The following FNDC3A variants were observed in gnomAD, a reference collection of about 807,000 sequenced individuals.
FNDC3A encodes the protein fibronectin type III domain containing 3A, also known as fibronectin type-III domain-containing protein 3A.
Under a neutral mutation model 148.9 loss-of-function variants are expected in FNDC3A, and 32 were observed. The observed-to-expected ratio is 0.21, with a 90% CI of 0.16 to 0.29. The LOEUF is 0.29. FNDC3A is among the 10% of genes least tolerant of loss of function. FNDC3A has a pLI of 1.00. For missense variants in FNDC3A, 1,191 were observed against 1,452.8 expected (o/e 0.82, Z 2.93); for synonymous variants, 472 against 473.6 (o/e 1.00, Z 0.04).
At chr13:48,984,984 G>A (rs564785713) in intron 1 of FNDC3A, among the ~76,000 whole-genome samples, 6 of 152,136 alleles carry the variant, frequency 3.9e-5, no homozygotes, top group East Asian at 3.9e-4. Flanking sequence ...GCCCAGCCCC[G>A]AGTGGACTAA....
intron 5 of FNDC3A, 106 bp from the exon 6 acceptor site, chr13:49,136,226 T>G (rs1437746071): frequency 1.3e-5 from 13 of 978,812 alleles, no homozygotes; most frequent in Non-Finnish European, 2.9e-6. Flanking sequence ...TTTTAAATAT[T>G]TTATAAAAGT....
chr13:49,024,951 T>G (rs1873590707), intron 2 of FNDC3A, among the ~76,000 whole-genome samples: 1 of 152,002 alleles, frequency 6.6e-6, no homozygotes, highest in Non-Finnish European at 1.5e-5. Flanking sequence ...TAAAAGTGAT[T>G]AGAAAAAAAT....
chr13:49,081,443 TTCAAACTTTGCCACTTACTATTGTATCAG>T, intron 3 of FNDC3A, among the ~76,000 whole-genome samples: 1 of 152,218 alleles, frequency 6.6e-6, no homozygotes, highest in East Asian at 1.9e-4. Flanking sequence ...TGGGTTTGAG[TTCAAACTTTGCCACTTACTATTGTATCAG>T]TCAGATTATA....
At chr13:49,157,554 T>C (rs1475559381) in intron 8 of FNDC3A, among the ~76,000 whole-genome samples, 1 of 150,740 alleles carries the variant, frequency 6.6e-6, no homozygotes, top group Non-Finnish European at 1.5e-5. Flanking sequence ...CTTTGTTCCG[T>C]TGCTGGTGAG....
chr13:49,014,745 G>A (rs1417117077), intron 2 of FNDC3A, among the ~76,000 whole-genome samples: 4 of 115,434 alleles, frequency 3.5e-5, no homozygotes, highest in Admixed American at 9.6e-5. Flanking sequence ...TAACGTTTAA[G>A]TCTTTAATCC....
chr13:49,132,729 G>A (rs1369832033), intron 5 of FNDC3A, among the ~76,000 whole-genome samples: 1 of 152,024 alleles, frequency 6.6e-6, no homozygotes, highest in Non-Finnish European at 1.5e-5. Context: ...GTTCTTTCTT[G>A]CCTCGGTCCC....
chr13:49,186,918 T>A (rs993282195), intron 15 of FNDC3A, among the ~76,000 whole-genome samples: 3 of 151,896 alleles, frequency 2.0e-5, no homozygotes, highest in Admixed American at 6.6e-5. Context: ...CCATTAAAAA[T>A]TGTTATAGAG....
intron 2 of FNDC3A, among the ~76,000 whole-genome samples, chr13:49,037,719 CCT>C (rs1035034064): frequency 2.6e-5 from 4 of 152,210 alleles, no homozygotes; most frequent in African/African-American, 9.6e-5. Flanking sequence ...CAGAGGCATG[CCT>C]CTCTGTTCAG....
At chr13:49,038,201 T>C (rs1290283680) in intron 2 of FNDC3A, among the ~76,000 whole-genome samples, 3 of 152,182 alleles carry the variant, frequency 2.0e-5, no homozygotes, top group Non-Finnish European at 4.4e-5. Context: ...TTGGGATTTA[T>C]ATGGGTACAG....
At chr13:49,105,093 A>G (rs1255726367) in intron 3 of FNDC3A, among the ~76,000 whole-genome samples, 1 of 152,210 alleles carries the variant, frequency 6.6e-6, no homozygotes, top group African/African-American at 2.4e-5. Context: ...TATTTTTTAA[A>G]AAAGACTACC....
chr13:48,976,400 C>T (rs1951599064), intron 1 of FNDC3A, among the ~76,000 whole-genome samples: 1 of 152,220 alleles, frequency 6.6e-6, no homozygotes, highest in African/African-American at 2.4e-5. Flanking sequence ...GACCGGTCTA[C>T]TAGTCGGGCA....
intron 1 of FNDC3A, among the ~76,000 whole-genome samples, chr13:48,999,399 C>G (rs946951310): frequency 2.6e-5 from 4 of 152,130 alleles, no homozygotes; most frequent in African/African-American, 7.2e-5. Context: ...CCACGATTGT[C>G]TTTTGCAAAT....
intron 3 of FNDC3A, among the ~76,000 whole-genome samples, chr13:49,114,339 A>C (rs896978780): frequency 1.3e-5 from 2 of 152,052 alleles, no homozygotes; most frequent in South Asian, 4.1e-4. Flanking sequence ...AGTGAATATA[A>C]TGATTCAAGA....
At chr13:49,114,753 C>G (rs778203165) in intron 4 of FNDC3A, 22 bp downstream of exon 4, 2 of 1,493,212 alleles carry the variant, frequency 1.3e-6, no homozygotes, top group Non-Finnish European at 1.9e-6. Context: ...TGCTATTTTT[C>G]TTTTCATATT....
intron 3 of FNDC3A, among the ~76,000 whole-genome samples, chr13:49,114,023 C>CA (rs199916451): frequency 3.3e-5 from 5 of 151,328 alleles, no homozygotes; most frequent in African/African-American, 4.9e-5. Flanking sequence ...GTGTGAGAAA[C>CA]AAAAAAAAAT....
At chr13:49,040,983 A>G (rs1874881594) in intron 2 of FNDC3A, among the ~76,000 whole-genome samples, 1 of 152,178 alleles carries the variant, frequency 6.6e-6, no homozygotes, top group Non-Finnish European at 1.5e-5. Flanking sequence ...ATCATATTGT[A>G]CTATTATAAT....
chr13:49,127,618 T>C (rs1175276512), intron 4 of FNDC3A, among the ~76,000 whole-genome samples: 1 of 152,216 alleles, frequency 6.6e-6, no homozygotes, highest in African/African-American at 2.4e-5. Context: ...GTTTTCCTTC[T>C]GCCTCGCTTG....
At chr13:49,042,322 C>G (rs879338070) in intron 2 of FNDC3A, among the ~76,000 whole-genome samples, 4 of 152,084 alleles carry the variant, frequency 2.6e-5, no homozygotes, top group Non-Finnish European at 4.4e-5. Context: ...TTTGATTACT[C>G]TTTGTTATCT....
At chr13:49,070,686 T>C (rs1008814772) in intron 2 of FNDC3A, among the ~76,000 whole-genome samples, 2 of 152,174 alleles carry the variant, frequency 1.3e-5, no homozygotes, top group Non-Finnish European at 2.9e-5. Flanking sequence ...ACCTATTAAC[T>C]GATTTCTTCT....
Sources: gnomAD v4.1 joint callset for allele counts (sites outside exome capture counted in the v4.1 genomes callset) on GRCh38, gnomAD v4.1.1 for gene constraint, MANE v1.5 for transcripts, NCBI Gene and HGNC (gene_info 2026-07-23, HGNC 2026-07-21) for gene names.